CDH17: variants seen among roughly 807,000 people sequenced by gnomAD.
CDH17 encodes the protein cadherin-17.
A neutral mutation model predicts 86.3 loss-of-function variants in CDH17; 67 were observed. That is an observed-to-expected ratio of 0.78 (90% confidence interval 0.64 to 0.95). The LOEUF (loss-of-function observed/expected upper bound fraction) is 0.95. Ranked by LOEUF, CDH17 falls within the 40% of genes least tolerant of loss-of-function variation. The pLI is 0.00. For missense variants in CDH17, 993 were observed against 1,017.6 expected, an observed-to-expected ratio of 0.98 and a Z score of 0.33; for synonymous variants, 367 against 366.4, an observed-to-expected ratio of 1.00 and a Z score of -0.02.
intron 8 of CDH17, 52 bp downstream of exon 8, chr8:94,170,802 A>G: frequency 6.4e-7 from 1 of 1,574,188 alleles, no homozygotes; most frequent in Non-Finnish European, 8.6e-7. Flanking sequence ...TCAACTGTAG[A>G]TGGGCATAGG....
intron 12 of CDH17, among the ~76,000 whole-genome samples, chr8:94,155,037 T>C (rs1812920188): frequency 6.6e-6 from 1 of 151,900 alleles, no homozygotes; most frequent in African/African-American, 2.4e-5. Flanking sequence ...CGTAGAAGGG[T>C]GGGAACTGTG....
At position 94,195,972 on chromosome 8, in the gene CDH17, C is replaced by A. The variant is rs576536380; in HGVS notation, c.-20-1267G>T. On this transcript the variant is annotated intron_variant, in intron 1 of 17. Transcript: ENST00000027335. ...AGATGGGGTTTTGCCGTGTTAGCCA[C>A]GATGGTCTCAATCTCCCGACCTCGT... Among the ~76,000 whole-genome samples, 4 of 152,014 alleles carry A rather than the reference C, an allele frequency of 2.6e-5. No individual in the cohort carries two copies. The East Asian group carries it at 7.7e-4, about 29-fold the overall frequency.
chr8:94,177,282 A>C (rs905708822), intron 4 of CDH17, among the ~76,000 whole-genome samples: 3 of 152,196 alleles, frequency 2.0e-5, no homozygotes, highest in African/African-American at 7.2e-5. Context: ...TTGAAGTATC[A>C]GAGATGTGCT....
At position 94,148,867 on chromosome 8, in the gene CDH17, G is replaced by T; in HGVS notation, c.1804C>A (p.Leu602Met). 6.2e-7 allele frequency: 1 copy of T among 1,603,718 alleles called. No individual in the cohort carries two copies. The highest frequency in any genetic ancestry group is 8.5e-7 in the Non-Finnish European group (1 of 1,176,876). ...DPEGLDISYS[L>M]RGDTRGWLKI... Reference sequence around the variant, plus strand: ...AGCCAACCTCTTGTGTCTCCCCTCAGTGAATAGCTTCATCAAATGAAAAGA... The same window carrying T: ...AGCCAACCTCTTGTGTCTCCCCTCATTGAATAGCTTCATCAAATGAAAAGA... The change falls in exon 14 of 18, where the codon CTG becomes ATG. Residue 602 changes from leucine (L) to methionine (M), a missense_variant. Transcript: ENST00000027335.
intron 17 of CDH17, among the ~76,000 whole-genome samples, chr8:94,128,981 A>T (rs1812356259): frequency 6.6e-6 from 1 of 152,172 alleles, no homozygotes; most frequent in Admixed American, 6.5e-5. Flanking sequence ...ATGAAGAAGG[A>T]GTTGTTTTAA....
intron 10 of CDH17, among the ~76,000 whole-genome samples, chr8:94,163,405 TGA>T (rs1019038206): frequency 2.6e-5 from 4 of 152,354 alleles, no homozygotes; most frequent in Admixed American, 2.6e-4. Context: ...GTTCTGCCAC[TGA>T]GAGGCGTGGC....
chr8:94,199,081 A>T (rs1190550459), intron 1 of CDH17, among the ~76,000 whole-genome samples: 405 of 9,154 alleles, frequency 0.044, 1 homozygote, highest in Middle Eastern at 0.12. Context: ...ATATATATAT[A>T]TATTTTTTTT....
At chr8:94,174,733 C>A (rs1301096325) in intron 5 of CDH17, among the ~76,000 whole-genome samples, 2 of 152,152 alleles carry the variant, frequency 1.3e-5, no homozygotes, top group Non-Finnish European at 2.9e-5. Flanking sequence ...AATTTTCCTT[C>A]ATATATTTCA....
intron 13 of CDH17, among the ~76,000 whole-genome samples, chr8:94,151,288 C>T (rs1202723872): frequency 1.3e-5 from 2 of 152,056 alleles, no homozygotes; most frequent in Non-Finnish European, 2.9e-5. Flanking sequence ...TCTTACTGAA[C>T]TGAAAAAAAG....
At chr8:94,157,110 T>C (rs546655508) in intron 12 of CDH17, among the ~76,000 whole-genome samples, 1 of 152,340 alleles carries the variant, frequency 6.6e-6, no homozygotes, top group African/African-American at 2.4e-5. Flanking sequence ...CAAGAGAGTT[T>C]ATGCAAACAA....
chr8:94,135,829 G>T (rs184066778), intron 15 of CDH17, among the ~76,000 whole-genome samples: 6 of 152,242 alleles, frequency 3.9e-5, no homozygotes, highest in Non-Finnish European at 8.8e-5. Flanking sequence ...TCCTTCAAGA[G>T]CTCTTGTAAG....
chr8:94,172,586 T>C (rs2130639435), intron 7 of CDH17, among the ~76,000 whole-genome samples: 1 of 152,324 alleles, frequency 6.6e-6, no homozygotes, highest in Admixed American at 6.5e-5. Flanking sequence ...TGATGAGACA[T>C]TGGGGCTCAG....
chr8:94,149,147 T>C (rs1392908657), intron 13 of CDH17, among the ~76,000 whole-genome samples: 2 of 152,166 alleles, frequency 1.3e-5, no homozygotes, highest in Non-Finnish European at 2.9e-5. Flanking sequence ...TGTTTGTGCT[T>C]GTATTAGGAA....
At position 94,130,968 on chromosome 8, in the gene CDH17, C is replaced by T; in HGVS notation, c.2192G>A (p.Arg731Lys). The change falls in exon 16 of 18, where the codon AGG (arginine) becomes AAG (lysine). Residue 731 changes from arginine to lysine, a missense_variant. Physicochemically the swap from Arg to Lys is conservative, Grantham distance 26 (BLOSUM62 2). Coordinates refer to ENST00000027335, the MANE Select transcript of CDH17 (RefSeq NM_004063.4). ...CTCCCTCTCCTCAAACTCTGTGTGC[C>T]TGGTAGACAGTCGGGCATGAGTACC... ...INGTHARLST[R>K]HTEFEEREYV... 1.2e-6 allele frequency: 2 copies of T among 1,602,482 alleles called. No homozygotes were observed. The highest frequency in any genetic ancestry group is 3.3e-5 in the Admixed American group (2 of 59,922).
At position 94,170,454 on chromosome 8, in the gene CDH17, G is replaced by C. The variant is rs751015132; in HGVS notation, c.1009C>G (p.Pro337Ala). 1.2e-6 allele frequency: 2 copies of C among 1,613,782 alleles called. No individual in the cohort carries two copies. Among genetic ancestry groups the C allele is most frequent in the Non-Finnish European group, 1.7e-6 (2 of 1,179,758 alleles). Residue 337 changes from proline to alanine, a missense_variant, in exon 9 of 18, where the codon CCA (proline) becomes GCA (alanine). Transcript: ENST00000027335. ...HVKVKDINDNPPTCPSPVTVF... is the reference protein window; with the variant it reads ...HVKVKDINDNAPTCPSPVTVF... ...GTTACTGGTGACGGACATGTAGGTG[G>C]ATTATCATTAATATCTTTAACTTTT...
At position 94,145,905 on chromosome 8, in the gene CDH17, T is replaced by TC. The variant is rs35520923; in HGVS notation, c.2167+22dup. The TC allele has an allele frequency of 2.5e-6, 4 of 1,603,158 alleles. No homozygotes were observed. The South Asian group carries it at 4.5e-5, about 18-fold the overall frequency. On this transcript the variant is annotated intron_variant, in intron 15 of 17. Transcript: ENST00000027335. ...CTTTCATCATCCATCTATGTTTTTT[T>TC]CCATGTATTTCTGACAACTCACCAT... is the stretch of plus-strand genomic sequence containing the variant.
chr8:94,170,646 A>G (rs929499054), intron 8 of CDH17, 99 bp from the exon 9 acceptor site: 1 of 1,415,200 alleles, frequency 7.1e-7, no homozygotes, highest in African/African-American at 1.4e-5. Context: ...TTACTCCCTT[A>G]TTTTTAATTC....
chr8:94,205,840 A>C (rs1199492575), intron 1 of CDH17, among the ~76,000 whole-genome samples: 3 of 152,192 alleles, frequency 2.0e-5, no homozygotes, highest in Non-Finnish European at 4.4e-5. Context: ...CAGGAAACTG[A>C]TGCTTAGAGC....
intron 3 of CDH17, among the ~76,000 whole-genome samples, chr8:94,181,017 T>C (rs1307065235): frequency 6.8e-6 from 1 of 146,914 alleles, no homozygotes; most frequent in Non-Finnish European, 1.5e-5. Flanking sequence ...TACAAAACTA[T>C]CCTTCAAAAT....
Sources: gnomAD v4.1 joint callset for allele counts (sites outside exome capture counted in the v4.1 genomes callset) on GRCh38, gnomAD v4.1.1 for gene constraint, MANE v1.5 for transcripts, NCBI Gene and HGNC (gene_info 2026-07-23, HGNC 2026-07-21) for gene names.